The following ABCG5 variants were observed in gnomAD, a reference collection of about 807,000 sequenced individuals.
ABCG5 encodes ATP binding cassette subfamily G member 5.
ABCG5 carries 64 observed loss-of-function variants against 64.5 expected under a neutral mutation model. The ratio of observed to expected loss-of-function variants is 0.99; its 90% CI spans 0.81 to 1.22. ABCG5 has a LOEUF of 1.22. ABCG5 is among the 50% of genes most tolerant of loss of function. The pLI is 0.00. For missense variants in ABCG5, 908 were observed against 829.5 expected, an observed-to-expected ratio of 1.09 and a Z score of -1.16; for synonymous variants, 385 against 326.3, an observed-to-expected ratio of 1.18 and a Z score of -1.94.
At chr2:43,839,045 G>A, upstream of ABCG5, 1 of 1,550,842 alleles carries the variant, frequency 6.4e-7, no homozygotes, top group Non-Finnish European at 8.7e-7. Flanking sequence ...TCACAGACCT[G>A]TGGGCCCCAT....
At chr2:43,832,175 G>C in intron 2 of ABCG5, 92 bp from the exon 3 acceptor site, 1 of 1,522,046 alleles carries the variant, frequency 6.6e-7, no homozygotes. Flanking sequence ...ATGACCCCGC[G>C]GGCCATGAGT....
In ABCG5 at chr2:43,820,004, T is replaced by G. The variant is rs545539720; in HGVS notation, c.1560A>C (p.Leu520=). ...HLIGEFLTLV[L]LGIVQNPNIV... is the part of the protein sequence containing the mutation. ...TATTTGGATTTTGGACGATACCAAG[T>G]AGCACAAGAGTTAGAAATTCACCAA... The change falls in exon 11 of 13, where the codon CTA becomes CTC. Residue 520 remains leucine, a synonymous_variant. Coordinates refer to ENST00000405322, the MANE Select transcript of ABCG5 (RefSeq NM_022436.3). 2 of 1,614,162 alleles carry G rather than the reference T, an allele frequency of 1.2e-6. No individual in the cohort carries two copies. Among genetic ancestry groups the G allele is most frequent in the Admixed American group, 1.7e-5 (1 of 60,024 alleles).
Position 43,826,381 on chromosome 2 carries a change from C to G in ABCG5, c.774+1G>C. The G allele has an allele frequency of 6.2e-7, 1 of 1,614,002 alleles. No individual in the cohort carries two copies. Among genetic ancestry groups the G allele is most frequent in the Non-Finnish European group, 8.5e-7 (1 of 1,179,996 alleles). On this transcript the variant is annotated splice_donor_variant, in intron 6 of 12. Coordinates refer to ENST00000405322, the MANE Select transcript of ABCG5 (RefSeq NM_022436.3). LOFTEE classifies it high-confidence loss of function. ...CGGCCTTTACGAGTTGAACCTCTTA[C>G]CTGAAAAAGCTCAGAACGGGGCTGG...
rs780334971 is a variant in ABCG5 at position 43,838,364 on chromosome 2, C to G, written c.143+173G>C. ...GGCAGGGGGAGGGGCCATTCACTGTCGCTCCATGTTTCCCAGCACAGCCCT... is the reference window on the plus strand; with the variant it reads ...GGCAGGGGGAGGGGCCATTCACTGTGGCTCCATGTTTCCCAGCACAGCCCT... On this transcript the variant is annotated intron_variant, in intron 1 of 12. Coordinates refer to ENST00000405322, the MANE Select transcript of ABCG5 (RefSeq NM_022436.3). The surrounding 1 kb of genome is among the most constrained non-coding windows in gnomAD (Gnocchi z 4.2). 21 of 674,762 alleles carry G rather than the reference C, an allele frequency of 3.1e-5. No individual in the cohort carries two copies. The highest frequency in any genetic ancestry group is 5.2e-5 in the Non-Finnish European group (21 of 403,648). The allele number at this position is 674,762 out of a possible 1,614,324, so 41.8% of individuals were successfully genotyped here. A position where few individuals can be genotyped will look rare whatever the true frequency, so the allele number is the denominator to read the frequency against.
intron 9 of ABCG5, among the ~76,000 whole-genome samples, chr2:43,823,285 C>T (rs1485539184): frequency 8.2e-5 from 12 of 146,842 alleles, no homozygotes; most frequent in South Asian, 4.6e-4. Context: ...CACCCCACCC[C>T]GCCCCCACCA....
At position 43,822,879 on chromosome 2, in the gene ABCG5, A is replaced by G. The variant is rs1260834969; in HGVS notation, c.1381T>C (p.Trp461Arg). Residue 461 changes from tryptophan (W) to arginine (R), a missense_variant, in exon 10 of 13, where the codon TGG becomes CGG. Physicochemically the swap from Trp to Arg is moderately radical, Grantham distance 101. Coordinates refer to ENST00000405322, the MANE Select transcript of ABCG5 (RefSeq NM_022436.3). ...AGTGCATAGGCCAGCATCATCTGCC[A>G]CTTCTGGTAGAGGCCGTCCTGACTC... ...QESQDGLYQK[W>R]QMMLAYALHV... 2.5e-6 allele frequency: 4 copies of G among 1,614,104 alleles called. No homozygotes were observed. The highest frequency in any genetic ancestry group is 3.4e-6 in the Non-Finnish European group (4 of 1,179,998).
Position 43,831,752 on chromosome 2 carries a change from CG to C in ABCG5, c.501+16del, listed in dbSNP as rs200655485. ...AGGTACTCAGTTTGCCCTCTGTGAG[CG>C]GGGGGCTGCACCCACCTTCTTCTGG... is the stretch of plus-strand genomic sequence containing the variant. On this transcript the variant is annotated intron_variant, in intron 4 of 12. Coordinates refer to ENST00000405322, the MANE Select transcript of ABCG5 (RefSeq NM_022436.3). The C allele has an allele frequency of 1.1e-4, 179 of 1,563,350 alleles. No homozygotes were observed. In the African/African-American group the frequency reaches 2.1e-3, roughly 18 times the overall value.
chr2:43,834,938 C>A (rs1024793746), intron 2 of ABCG5, among the ~76,000 whole-genome samples: 3 of 152,194 alleles, frequency 2.0e-5, no homozygotes, highest in African/African-American at 7.2e-5. Context: ...AGATAAGACA[C>A]CAATGAAATT....
Position 43,838,767 on chromosome 2 carries a change from C to T in ABCG5, c.-88G>A. 6.4e-7 allele frequency: 1 copy of T among 1,566,916 alleles called. No individual in the cohort carries two copies. The highest frequency in any genetic ancestry group is 8.6e-7 in the Non-Finnish European group (1 of 1,157,026). Reference sequence around the variant, plus strand: ...AGTTGGGGAGCCCGTGGCAGACTGCCCTGCCTGCTCCACCTGACCCCGGAG... The same window carrying T: ...AGTTGGGGAGCCCGTGGCAGACTGCTCTGCCTGCTCCACCTGACCCCGGAG... On this transcript the variant is annotated 5_prime_UTR_variant, in exon 1 of 13. Transcript: ENST00000405322. This position sits in a 1 kb window ranked among gnomAD's most constrained non-coding sequence, Gnocchi z 4.2.
chr2:43,815,482 G>A (rs989553696), intron 11 of ABCG5, among the ~76,000 whole-genome samples: 4 of 152,184 alleles, frequency 2.6e-5, no homozygotes, highest in Non-Finnish European at 5.9e-5. Context: ...CATCCATGAT[G>A]TTCTTGTATT....
At chr2:43,817,220 C>T (rs1012987442) in intron 11 of ABCG5, among the ~76,000 whole-genome samples, 3 of 152,256 alleles carry the variant, frequency 2.0e-5, no homozygotes, top group Admixed American at 6.5e-5. Flanking sequence ...TATAGTGGCT[C>T]ACGCCTGTAA....
intron 4 of ABCG5, among the ~76,000 whole-genome samples, chr2:43,829,260 C>A (rs988471863): frequency 6.6e-6 from 1 of 152,122 alleles, no homozygotes; most frequent in African/African-American, 2.4e-5. Context: ...ACTGTATAAC[C>A]CAAATAAGTG....
Position 43,832,288 on chromosome 2 carries a change from G to T in ABCG5, c.266-205C>A, listed in dbSNP as rs140555536. On this transcript the variant is annotated intron_variant, in intron 2 of 12. Transcript: ENST00000405322. ...GTGCAGCAGTCTCACGCGCAAGTGA[G>T]TCTCTGGATTGTCCCCTGAGTGAGA... 5.8e-4 allele frequency: 381 copies of T among 662,136 alleles called. 2 individuals carry two copies. In the African/African-American group the frequency reaches 6.0e-3, roughly 10 times the overall value. The allele number at this position is 662,136 out of a possible 1,614,324, so 41.0% of individuals were successfully genotyped here. A position where few individuals can be genotyped will look rare whatever the true frequency, so the allele number is the denominator to read the frequency against.
At chr2:43,834,150 T>C (rs536591424) in intron 2 of ABCG5, among the ~76,000 whole-genome samples, 51 of 152,168 alleles carry the variant, frequency 3.4e-4, no homozygotes, top group Non-Finnish European at 6.9e-4. Context: ...GAAAACCCAT[T>C]ATAAAGAAAC....
chr2:43,827,450 T>C (rs1331526881), intron 5 of ABCG5, among the ~76,000 whole-genome samples: 5 of 152,142 alleles, frequency 3.3e-5, no homozygotes. Context: ...AGGATCCAGA[T>C]GCAGTTTGTC....
In ABCG5 at chr2:43,823,997, C is replaced by A. The variant is rs1478352911; in HGVS notation, c.1240G>T (p.Gly414Cys). 1 of 1,614,162 alleles carries A rather than the reference C, an allele frequency of 6.2e-7. No individual in the cohort carries two copies. Among genetic ancestry groups the A allele is most frequent in the African/African-American group, 1.3e-5 (1 of 75,028 alleles). Residue 414 changes from glycine (G) to cysteine (C), a missense_variant, in exon 9 of 13, where the codon GGT becomes TGT. Physicochemically the swap from Gly to Cys is radical, Grantham distance 159. Coordinates refer to ENST00000405322, the MANE Select transcript of ABCG5 (RefSeq NM_022436.3). ...VLRVRSNVLKGAIQDRVGLLY... is the reference protein window; with the variant it reads ...VLRVRSNVLKCAIQDRVGLLY... Reference sequence around the variant, plus strand: ...AGACCTACGCGGTCCTGGATAGCACCCTTTAGCACATTGCTTCGGACCCGC... The same window carrying A: ...AGACCTACGCGGTCCTGGATAGCACACTTTAGCACATTGCTTCGGACCCGC...
Position 43,838,341 on chromosome 2 carries a change from C to T in ABCG5, c.143+196G>A, listed in dbSNP as rs1284784517. On this transcript the variant is annotated intron_variant, in intron 1 of 12. Coordinates refer to ENST00000405322, the MANE Select transcript of ABCG5 (RefSeq NM_022436.3). The surrounding 1 kb of genome is among the most constrained non-coding windows in gnomAD (Gnocchi z 4.2). ...GTTTATGCCCAGGCCCTTCCCTGGG[C>T]AGGGGGAGGGGCCATTCACTGTCGC... The T allele has an allele frequency of 3.2e-6, 2 of 632,408 alleles. No individual in the cohort carries two copies. The highest frequency in any genetic ancestry group is 2.9e-5 in the Admixed American group (1 of 34,004). The allele number at this position is 632,408 out of a possible 1,614,324, so 39.2% of individuals were successfully genotyped here.
chr2:43,829,656 C>T (rs1034420878), intron 4 of ABCG5, among the ~76,000 whole-genome samples: 6 of 152,178 alleles, frequency 3.9e-5, no homozygotes, highest in African/African-American at 1.4e-4. Context: ...TACTGATTAC[C>T]TCTAACTGCA....
intron 11 of ABCG5, among the ~76,000 whole-genome samples, chr2:43,817,908 TCAAAA>T (rs1379773454): frequency 1.3e-5 from 2 of 151,948 alleles, no homozygotes; most frequent in African/African-American, 2.4e-5. Context: ...CGATTCCCTC[TCAAAA>T]CAAACAAACA....
Sources: gnomAD v4.1 joint callset for allele counts (sites outside exome capture counted in the v4.1 genomes callset) on GRCh38, gnomAD v4.1.1 for gene constraint, Gnocchi (gnomAD v3.1) non-coding constraint, MANE v1.5 for transcripts, NCBI Gene and HGNC (gene_info 2026-07-23, HGNC 2026-07-21) for gene names.